Variants in RNLS observed in about 807,000 individuals in gnomAD.
RNLS encodes the protein renalase.
A neutral mutation model predicts 39.8 loss-of-function variants in RNLS; 39 were observed. That is an observed-to-expected ratio of 0.98 (90% CI 0.76 to 1.28). The LOEUF is 1.28. Among genes scored for constraint, RNLS ranks in the 50% most tolerant of loss-of-function variants. The probability of loss-of-function intolerance (pLI) is 0.00; values close to 1 mark genes in which losing one functional copy is unlikely to be tolerated. For missense variants in RNLS, 410 were observed against 413.3 expected, an observed-to-expected ratio of 0.99 and a Z score of 0.07; for synonymous variants, 147 against 150.7, an observed-to-expected ratio of 0.98 and a Z score of 0.18.
chr10:88,527,489 C>G (rs1055857734), intron 4 of RNLS, among the ~76,000 whole-genome samples: 2 of 152,158 alleles, frequency 1.3e-5, no homozygotes, highest in Admixed American at 6.6e-5. Context: ...CTACCTTTTT[C>G]TAATTAGCAT....
intron 3 of RNLS, among the ~76,000 whole-genome samples, chr10:88,578,792 T>A (rs892447931): frequency 6.6e-6 from 1 of 152,052 alleles, no homozygotes; most frequent in Admixed American, 6.6e-5. Context: ...CCCAAACACA[T>A]AACAAAATAA....
At chr10:88,510,857 A>G (rs1419520526) in intron 4 of RNLS, among the ~76,000 whole-genome samples, 1 of 151,192 alleles carries the variant, frequency 6.6e-6, no homozygotes, top group Non-Finnish European at 1.5e-5. Context: ...GAGAAAAAAA[A>G]AAAAGTTTAC....
At chr10:88,447,374 C>CAAAG (rs1029711243) in intron 4 of RNLS, among the ~76,000 whole-genome samples, 1 of 151,788 alleles carries the variant, frequency 6.6e-6, no homozygotes, top group African/African-American at 2.4e-5. Flanking sequence ...CAATAACAGA[C>CAAAG]AGAGAGCCAA....
chr10:88,304,856 C>T (rs537073526), intron 6 of RNLS, among the ~76,000 whole-genome samples: 31 of 152,218 alleles, frequency 2.0e-4, no homozygotes, highest in Non-Finnish European at 4.1e-4. Context: ...TAGTAAGATA[C>T]TTCACAAGAA....
At chr10:88,445,658 G>A (rs2133870072) in intron 4 of RNLS, among the ~76,000 whole-genome samples, 1 of 152,230 alleles carries the variant, frequency 6.6e-6, no homozygotes, top group East Asian at 1.9e-4. Context: ...GGCAGGGGTT[G>A]CAATCCTAGT....
the RNLS span, among the ~76,000 whole-genome samples, chr10:88,179,637 A>G: frequency 1.3e-5 from 2 of 152,236 alleles, no homozygotes. Context: ...TAATTGGTTT[A>G]CAGTCACATA....
chr10:88,241,056 ATATT>A, the RNLS span, among the ~76,000 whole-genome samples: 3 of 151,316 alleles, frequency 2.0e-5, no homozygotes, highest in Non-Finnish European at 4.4e-5. Context: ...ATTTATATAT[ATATT>A]CCATCTGGAT....
At chr10:88,483,643 A>G (rs1844332911) in intron 4 of RNLS, among the ~76,000 whole-genome samples, 1 of 151,918 alleles carries the variant, frequency 6.6e-6, no homozygotes, top group South Asian at 2.1e-4. Flanking sequence ...TGCGTTTTTT[A>G]TATTTCTGTT....
intron 5 of RNLS, among the ~76,000 whole-genome samples, chr10:88,350,560 C>T (rs1848618245): frequency 6.6e-6 from 1 of 152,144 alleles, no homozygotes; most frequent in Admixed American, 6.5e-5. Context: ...AGGACATGAA[C>T]TCATCCTTTT....
intron 4 of RNLS, among the ~76,000 whole-genome samples, chr10:88,430,049 T>C (rs1855044336): frequency 6.6e-6 from 1 of 151,788 alleles, no homozygotes; most frequent in Non-Finnish European, 1.5e-5. Context: ...ACAAAAAACC[T>C]GTAGGGAATT....
intron 6 of RNLS, among the ~76,000 whole-genome samples, chr10:88,310,824 A>AAAAAAAAAAAAAAAAAAACAG (rs1217903555): frequency 8.8e-6 from 1 of 113,410 alleles, no homozygotes; most frequent in Non-Finnish European, 1.9e-5. Flanking sequence ...AAAAAAAAAA[A>AAAAAAAAAAAAAAAAAAACAG]AAAGAAAGAA....
chr10:88,242,490 CCTT>C, the RNLS span, among the ~76,000 whole-genome samples: 1 of 152,168 alleles, frequency 6.6e-6, no homozygotes, highest in Non-Finnish European at 1.5e-5. Flanking sequence ...CATTTTAAAA[CCTT>C]CATATTTGGG....
At chr10:88,506,864 T>C (rs1175587467) in intron 4 of RNLS, among the ~76,000 whole-genome samples, 5 of 152,128 alleles carry the variant, frequency 3.3e-5, no homozygotes, top group Non-Finnish European at 5.9e-5. Flanking sequence ...ACTAAAATGC[T>C]CCACCACTGA....
intron 6 of RNLS, among the ~76,000 whole-genome samples, chr10:88,305,206 A>G (rs1275353298): frequency 6.6e-6 from 1 of 152,246 alleles, no homozygotes; most frequent in African/African-American, 2.4e-5. Flanking sequence ...TGTAGGAAGC[A>G]CTAAATATGG....
the RNLS span, among the ~76,000 whole-genome samples, chr10:88,259,833 TC>T: frequency 1.3e-5 from 2 of 152,138 alleles, no homozygotes; most frequent in South Asian, 4.2e-4. Flanking sequence ...AACCTTTACC[TC>T]CCGGGTTCAA....
chr10:88,359,804 T>C (rs115533651), intron 5 of RNLS, among the ~76,000 whole-genome samples: 1 of 152,384 alleles, frequency 6.6e-6, no homozygotes, highest in African/African-American at 2.4e-5. Flanking sequence ...TGCACTGTAC[T>C]GTGGGTGCTT....
the RNLS span, among the ~76,000 whole-genome samples, chr10:88,172,875 T>TTTTTTTTTTTTTTTTTTTTTTC: frequency 7.7e-6 from 1 of 129,932 alleles, no homozygotes; most frequent in East Asian, 2.2e-4. Context: ...TTTTTTTTTT[T>TTTTTTTTTTTTTTTTTTTTTTC]AGATGGAGTC....
At position 88,583,144 on chromosome 10, in the gene RNLS, CACA is replaced by C; in HGVS notation, c.44_46del (p.Leu15del). 1.2e-6 allele frequency: 2 copies of C among 1,614,092 alleles called. No individual in the cohort carries two copies. Among genetic ancestry groups the C allele is most frequent in the Non-Finnish European group, 1.7e-6 (2 of 1,179,956 alleles). On this transcript the variant is annotated inframe_deletion, in exon 1 of 7. Transcript: ENST00000331772. ...CGTCTGCCTCCTCAGCAGCGCAGCG[CACA>C]AGCTTCCTGTCATCCCGGCGCCCAC...
chr10:88,548,964 G>T (rs530165305), intron 4 of RNLS, among the ~76,000 whole-genome samples: 1 of 152,120 alleles, frequency 6.6e-6, no homozygotes, highest in South Asian at 2.1e-4. Context: ...AACAGCTTAG[G>T]TAATGTCTCT....
Sources: allele counts gnomAD v4.1 joint callset (sites outside exome capture counted in the v4.1 genomes callset), GRCh38; gene constraint gnomAD v4.1.1; transcripts MANE v1.5; gene names NCBI Gene and HGNC (gene_info 2026-07-23, HGNC 2026-07-21).